The following LRP1B variants were observed in gnomAD, a reference collection of about 807,000 sequenced individuals.
LRP1B encodes low-density lipoprotein receptor-related protein 1B.
A neutral mutation model predicts 556.6 loss-of-function variants in LRP1B; 217 were observed. The observed-to-expected ratio is 0.39, with a 90% confidence interval of 0.35 to 0.44. The LOEUF (loss-of-function observed/expected upper bound fraction) is 0.44. Ranked by LOEUF, LRP1B falls within the 20% of genes least tolerant of loss-of-function variation. The pLI is 1.00. For synonymous variants in LRP1B, 2,047 were observed against 1,865.8 expected (o/e 1.10, Z -2.50); for missense variants, 5,053 against 5,620.8 (o/e 0.90, Z 3.23).
intron 3 of LRP1B, among the ~76,000 whole-genome samples, chr2:141,276,268 A>C (rs1031153127): frequency 5.3e-5 from 8 of 151,254 alleles, no homozygotes; most frequent in Non-Finnish European, 1.5e-5. Flanking sequence ...AATTATTTCA[A>C]TTATTCTTTG....
At position 141,148,501 on chromosome 2, in the gene LRP1B, C is replaced by T. The variant is rs190692779; in HGVS notation, c.1013+39920G>A. ...ATATACTGTTTCTTCTGTTCTGGGG[C>T]TGGGAGTGGCAGCATGCTGGTAATC... On this transcript the variant is annotated intron_variant, in intron 7 of 90. Coordinates refer to ENST00000389484, the MANE Select transcript of LRP1B (RefSeq NM_018557.3). Among the ~76,000 whole-genome samples the T allele has an allele frequency of 3.9e-5, 6 of 152,202 alleles. No individual in the cohort carries two copies. In the East Asian group the frequency reaches 1.2e-3, roughly 29 times the overall value.
At chr2:140,465,728 A>AAAAAAAAAAAAAAAAAAAAAAG (rs1212346708) in intron 60 of LRP1B, among the ~76,000 whole-genome samples, 7 of 151,532 alleles carry the variant, frequency 4.6e-5, no homozygotes, top group African/African-American at 1.7e-4. Flanking sequence ...TGCAAAAAAA[A>AAAAAAAAAAAAAAAAAAAAAAG]AAAAAAGAAA....
In LRP1B at chr2:141,115,306, C is replaced by G. The variant is rs147407437; in HGVS notation, c.1014-53033G>C. Among the ~76,000 whole-genome samples the G allele has an allele frequency of 8.8e-3, 1,332 of 152,228 alleles. 17 individuals are homozygous for G. Among genetic ancestry groups the G allele is most frequent in the South Asian group, 0.042 (203 of 4,820 alleles). On this transcript the variant is annotated intron_variant, in intron 7 of 90. Transcript: ENST00000389484. ...AGGCTAAAGATCAGCACACACACAA[C>G]ATGTGATAGGAATAGACAAGGATTC...
intron 2 of LRP1B, among the ~76,000 whole-genome samples, chr2:141,655,349 A>G (rs1232644526): frequency 6.6e-6 from 1 of 152,190 alleles, no homozygotes; most frequent in East Asian, 1.9e-4. Context: ...ATTTACAGCT[A>G]AGACAAATTT....
At chr2:140,854,096 A>T (rs918844024) in intron 27 of LRP1B, among the ~76,000 whole-genome samples, 1 of 151,736 alleles carries the variant, frequency 6.6e-6, no homozygotes, top group African/African-American at 2.4e-5. Context: ...GAAGGAGAAA[A>T]GAAAAAAGAG....
intron 21 of LRP1B, among the ~76,000 whole-genome samples, chr2:140,919,501 A>G (rs975348401): frequency 3.3e-5 from 5 of 152,042 alleles, no homozygotes; most frequent in Non-Finnish European, 7.4e-5. Flanking sequence ...TTTCAAAAGC[A>G]AATGGAATTT....
At chr2:141,591,871 A>C (rs1040393356) in intron 2 of LRP1B, among the ~76,000 whole-genome samples, 1 of 152,178 alleles carries the variant, frequency 6.6e-6, no homozygotes, top group Non-Finnish European at 1.5e-5. Context: ...CACCAGTTCC[A>C]GTACTGACAG....
chr2:141,865,175 T>G (rs1220957374), intron 1 of LRP1B, among the ~76,000 whole-genome samples: 1 of 152,144 alleles, frequency 6.6e-6, no homozygotes, highest in Non-Finnish European at 1.5e-5. Context: ...TTTGTTTGTT[T>G]TTCTCTGCAT....
intron 3 of LRP1B, among the ~76,000 whole-genome samples, chr2:141,258,545 CT>C (rs1684568437): frequency 1.3e-5 from 2 of 152,138 alleles, no homozygotes; most frequent in African/African-American, 4.8e-5. Flanking sequence ...GAAGATTCCC[CT>C]GACACAGATC....
At position 141,633,759 on chromosome 2, in the gene LRP1B, C is replaced by A. The variant is rs572539459; in HGVS notation, c.206-153226G>T. 1.1e-3 allele frequency among the ~76,000 whole-genome samples: 165 copies of A among 147,524 alleles called. 1 individual carries two copies. Among genetic ancestry groups the A allele is most frequent in the African/African-American group, 3.7e-3 (151 of 40,724 alleles). The stretch of plus-strand genomic sequence containing the variant: ...AAACTCTGTACTCATTAAACATATA[C>A]TTATTTTTATGAATATTCACATGCA... On this transcript the variant is annotated intron_variant, in intron 2 of 90. Transcript: ENST00000389484.
At position 142,115,514 on chromosome 2, in the gene LRP1B, T is replaced by TGTAA. The variant is rs1415243635; in HGVS notation, c.82+15133_82+15134insTTAC. On this transcript the variant is annotated intron_variant, in intron 1 of 90. Coordinates refer to ENST00000389484, the MANE Select transcript of LRP1B (RefSeq NM_018557.3). The stretch of plus-strand genomic sequence containing the variant: ...AATTATATATAATATATATTATATA[T>TGTAA]TACATATATAATATATATATTACAT... Among the ~76,000 whole-genome samples, 6 of 86,608 alleles carry TGTAA rather than the reference T, an allele frequency of 6.9e-5. 1 individual carries two copies. Among genetic ancestry groups the TGTAA allele is most frequent in the Non-Finnish European group, 8.8e-5 (4 of 45,390 alleles). The allele number at this position is 86,608 out of a possible 152,430, so 56.8% of individuals were successfully genotyped here. A position where few individuals can be genotyped will look rare whatever the true frequency, so the allele number is the denominator to read the frequency against.
chr2:141,317,086 A>T (rs1033811211), intron 3 of LRP1B, among the ~76,000 whole-genome samples: 1 of 152,182 alleles, frequency 6.6e-6, no homozygotes, highest in Non-Finnish European at 1.5e-5. Flanking sequence ...GTATACAATC[A>T]ATGTGTCTTG....
Position 140,324,077 on chromosome 2 carries a change from A to G in LRP1B, c.12341-11T>C. Reference sequence around the variant, plus strand: ...GTGGATGTAATAAACCTGGAATTTTAAAAAGGCAGTTATGAAAGTTTTAAT... The same window carrying G: ...GTGGATGTAATAAACCTGGAATTTTGAAAAGGCAGTTATGAAAGTTTTAAT... On this transcript the variant is annotated splice_polypyrimidine_tract_variant and intron_variant, in intron 80 of 90. Coordinates refer to ENST00000389484, the MANE Select transcript of LRP1B (RefSeq NM_018557.3). 1 of 1,580,102 alleles carries G rather than the reference A, an allele frequency of 6.3e-7. No homozygotes were observed. The highest frequency in any genetic ancestry group is 8.7e-7 in the Non-Finnish European group (1 of 1,153,314).
chr2:142,058,378 G>A (rs1008802074), intron 1 of LRP1B, among the ~76,000 whole-genome samples: 1 of 151,978 alleles, frequency 6.6e-6, no homozygotes, highest in Non-Finnish European at 1.5e-5. Context: ...CTCCACCTTC[G>A]ACCACTCCAC....
In LRP1B at chr2:141,847,699, A is replaced by G. The variant is rs368170786; in HGVS notation, c.83-37298T>C. On this transcript the variant is annotated intron_variant, in intron 1 of 90. Transcript: ENST00000389484. ...AAAATCTAAATGCATTATTATGTAA[A>G]TGTTAATTTACTAAATGATGTCAAG... 2.0e-5 allele frequency among the ~76,000 whole-genome samples: 3 copies of G among 151,712 alleles called. No individual in the cohort carries two copies. In the East Asian group the frequency reaches 5.8e-4, roughly 29 times the overall value.
At chr2:141,924,524 G>A (rs1700283693) in intron 1 of LRP1B, among the ~76,000 whole-genome samples, 1 of 152,114 alleles carries the variant, frequency 6.6e-6, no homozygotes, top group Non-Finnish European at 1.5e-5. Context: ...CCATCGAGCT[G>A]GTTAACACTT....
intron 35 of LRP1B, among the ~76,000 whole-genome samples, chr2:140,748,946 A>G (rs976137664): frequency 6.7e-6 from 1 of 148,198 alleles, no homozygotes; most frequent in African/African-American, 2.5e-5. Flanking sequence ...TATAAAATAT[A>G]CTTACACAAG....
rs932201497 is a variant in LRP1B, at chr2:140,926,885, C to G, written c.3137-3738G>C. ...ATTTCTCTGAGTGTTTCTTTATCTC[C>G]CATCCTGTGTAACTTGCATTGATAT... On this transcript the variant is annotated intron_variant, in intron 20 of 90. Coordinates refer to ENST00000389484, the MANE Select transcript of LRP1B (RefSeq NM_018557.3). 2.0e-5 allele frequency among the ~76,000 whole-genome samples: 3 copies of G among 152,084 alleles called. No individual in the cohort carries two copies. The South Asian group carries it at 6.2e-4, about 31-fold the overall frequency.
chr2:141,146,123 C>T (rs112893124), intron 7 of LRP1B, among the ~76,000 whole-genome samples: 4,142 of 151,376 alleles, frequency 0.027, 198 homozygotes, highest in African/African-American at 0.095. Context: ...CAGGATTTTG[C>T]CATATTGGCC....
Sources: allele counts gnomAD v4.1 joint callset (sites outside exome capture counted in the v4.1 genomes callset), GRCh38; gene constraint gnomAD v4.1.1; transcripts MANE v1.5; gene names NCBI Gene and HGNC (gene_info 2026-07-23, HGNC 2026-07-21).